The following NXPE4 variants were observed in gnomAD, a reference collection of about 807,000 sequenced individuals.
NXPE4 encodes the protein NXPE family member 4.
A neutral mutation model predicts 33.3 loss-of-function variants in NXPE4; 42 were observed. That is an observed-to-expected ratio of 1.26 (90% CI 0.98 to 1.63). The LOEUF (loss-of-function observed/expected upper bound fraction) is 1.63. Among genes scored for constraint, NXPE4 ranks in the 40% most tolerant of loss-of-function variants. The pLI is 0.00. For synonymous variants in NXPE4, 253 were observed against 234.9 expected (o/e 1.08, Z -0.71); for missense variants, 709 against 647.6 (o/e 1.09, Z -1.03).
At chr11:114,573,639 T>A (rs766233576) in intron 5 of NXPE4, among the ~76,000 whole-genome samples, 2 of 151,956 alleles carry the variant, frequency 1.3e-5, no homozygotes, top group Non-Finnish European at 2.9e-5. Context: ...TATATAATGA[T>A]AAAATAACAT....
At chr11:114,647,163 A>G in the NXPE4 span, among the ~76,000 whole-genome samples, 4 of 152,306 alleles carry the variant, frequency 2.6e-5, no homozygotes, top group African/African-American at 9.6e-5. Flanking sequence ...AGTGATTCTC[A>G]TTACCTGAAT....
chr11:114,624,833 T>A, the NXPE4 span, among the ~76,000 whole-genome samples: 1 of 152,068 alleles, frequency 6.6e-6, no homozygotes, highest in South Asian at 2.1e-4. Context: ...GGGTAACCAC[T>A]GTTACCTGGT....
chr11:114,587,738 AGG>A (rs1249216021), intron 2 of NXPE4, among the ~76,000 whole-genome samples: 1 of 152,206 alleles, frequency 6.6e-6, no homozygotes, highest in Non-Finnish European at 1.5e-5. Context: ...AGGTGACTAA[AGG>A]GACACCTTTT....
intron 2 of NXPE4, among the ~76,000 whole-genome samples, chr11:114,594,107 C>T (rs918865904): frequency 5.9e-5 from 9 of 151,984 alleles, no homozygotes; most frequent in Admixed American, 3.3e-4. Flanking sequence ...TAAGATCTAG[C>T]ATTTGATAGT....
the NXPE4 span, among the ~76,000 whole-genome samples, chr11:114,629,492 A>T: frequency 1.3e-5 from 2 of 151,418 alleles, no homozygotes; most frequent in Non-Finnish European, 3.0e-5. Flanking sequence ...AAAAACTCTC[A>T]ATAAATTAGG....
chr11:114,639,723 GTAATA>G, the NXPE4 span, among the ~76,000 whole-genome samples: 10 of 114,390 alleles, frequency 8.7e-5, no homozygotes, highest in Middle Eastern at 7.8e-3. Context: ...ATATAATATA[GTAATA>G]TAATATAAAA....
chr11:114,606,106 GTTATC>G, the NXPE4 span, among the ~76,000 whole-genome samples: 1 of 151,904 alleles, frequency 6.6e-6, no homozygotes, highest in Admixed American at 6.6e-5. Context: ...GGTAGCCACT[GTTATC>G]TGGTGGATAA....
At chr11:114,668,558 CAGTT>C in the NXPE4 span, among the ~76,000 whole-genome samples, 2 of 152,018 alleles carry the variant, frequency 1.3e-5, no homozygotes, top group Admixed American at 6.6e-5. Context: ...GAGAAGAACT[CAGTT>C]AGAGTTCTCC....
At chr11:114,646,932 T>G in the NXPE4 span, among the ~76,000 whole-genome samples, 1 of 152,090 alleles carries the variant, frequency 6.6e-6, no homozygotes, top group Non-Finnish European at 1.5e-5. Context: ...AGTTGCCAAA[T>G]AAGAAGCATG....
the NXPE4 span, among the ~76,000 whole-genome samples, chr11:114,623,394 G>T: frequency 1.3e-5 from 2 of 151,932 alleles, no homozygotes; most frequent in African/African-American, 4.8e-5. Flanking sequence ...TAAGTATTGC[G>T]CAGTGGGTAC....
chr11:114,636,059 C>A, the NXPE4 span, among the ~76,000 whole-genome samples: 1 of 149,754 alleles, frequency 6.7e-6, no homozygotes, highest in African/African-American at 2.5e-5. Context: ...CCTCCTTGTA[C>A]CTCTGGTAGA....
the NXPE4 span, among the ~76,000 whole-genome samples, chr11:114,608,548 ATTGTTGCATCGTGT>A: frequency 4.2e-4 from 63 of 151,646 alleles, no homozygotes; most frequent in Non-Finnish European, 7.8e-4. Flanking sequence ...GTGGATAATA[ATTGTTGCATCGTGT>A]GTATCCACTG....
chr11:114,631,613 T>G, the NXPE4 span, among the ~76,000 whole-genome samples: 3 of 151,874 alleles, frequency 2.0e-5, no homozygotes, highest in Admixed American at 1.3e-4. Flanking sequence ...GCATGGCACA[T>G]GTATACATAT....
chr11:114,638,051 C>T, the NXPE4 span, among the ~76,000 whole-genome samples: 1 of 151,590 alleles, frequency 6.6e-6, no homozygotes, highest in Non-Finnish European at 1.5e-5. Context: ...TAATATCCTG[C>T]AGAGTGTTTT....
chr11:114,589,107 A>G (rs999063237), intron 2 of NXPE4, among the ~76,000 whole-genome samples: 52 of 152,286 alleles, frequency 3.4e-4, no homozygotes, highest in African/African-American at 1.2e-3. Flanking sequence ...GTGGGAAGTC[A>G]GAGGACTTTA....
the NXPE4 span, among the ~76,000 whole-genome samples, chr11:114,658,409 C>G: frequency 7.2e-5 from 11 of 152,166 alleles, no homozygotes; most frequent in African/African-American, 2.7e-4. Flanking sequence ...GAATTTGTTC[C>G]TACCTAGTAC....
the NXPE4 span, among the ~76,000 whole-genome samples, chr11:114,613,410 T>A: frequency 6.6e-6 from 1 of 151,116 alleles, no homozygotes. Flanking sequence ...GGGTAAGCAC[T>A]GTTACCTGGT....
At chr11:114,666,350 C>T in the NXPE4 span, among the ~76,000 whole-genome samples, 2 of 152,100 alleles carry the variant, frequency 1.3e-5, no homozygotes, top group African/African-American at 2.4e-5. Context: ...AAAAGTCCCA[C>T]AGATCCATAA....
At chr11:114,651,487 T>C in the NXPE4 span, among the ~76,000 whole-genome samples, 2 of 152,190 alleles carry the variant, frequency 1.3e-5, no homozygotes, top group Non-Finnish European at 2.9e-5. Context: ...CAAGATTTAT[T>C]GCAAAGAGCA....
Sources: gnomAD v4.1 joint callset for allele counts (sites outside exome capture counted in the v4.1 genomes callset) on GRCh38, gnomAD v4.1.1 for gene constraint, MANE v1.5 for transcripts, NCBI Gene and HGNC (gene_info 2026-07-23, HGNC 2026-07-21) for gene names.